The following GSDMC variants were observed in gnomAD, a reference collection of about 807,000 sequenced individuals.
GSDMC encodes gasdermin-C.
GSDMC carries 59 observed loss-of-function variants against 58.0 expected under a neutral mutation model. The observed-to-expected ratio is 1.02, with a 90% CI of 0.82 to 1.26. The LOEUF (loss-of-function observed/expected upper bound fraction) is 1.26. Ranked by LOEUF, GSDMC falls within the 50% of genes most tolerant of loss-of-function variation. The pLI, the probability that GSDMC is intolerant of heterozygous loss-of-function variation, is 0.00. For synonymous variants in GSDMC, 241 were observed against 220.2 expected, an observed-to-expected ratio of 1.09 and a Z score of -0.83; for missense variants, 659 against 598.5, an observed-to-expected ratio of 1.10 and a Z score of -1.06.
the GSDMC span, among the ~76,000 whole-genome samples, chr8:129,706,871 C>G: frequency 3.3e-5 from 5 of 152,196 alleles, no homozygotes; most frequent in Non-Finnish European, 7.3e-5. Flanking sequence ...ATTCAGCTGT[C>G]AATAGGGCAC....
chr8:129,759,474 G>A (rs2033572955), intron 6 of GSDMC, among the ~76,000 whole-genome samples: 1 of 152,116 alleles, frequency 6.6e-6, no homozygotes. Flanking sequence ...TCTGAGAAGG[G>A]ATTAATAACC....
chr8:129,714,950 A>G, the GSDMC span, among the ~76,000 whole-genome samples: 1 of 152,232 alleles, frequency 6.6e-6, no homozygotes, highest in Non-Finnish European at 1.5e-5. Context: ...GAGGTCTCCA[A>G]TGTAATAGAC....
chr8:129,784,150 C>T (rs1401844588), intron 1 of GSDMC, among the ~76,000 whole-genome samples: 1 of 152,150 alleles, frequency 6.6e-6, no homozygotes, highest in Non-Finnish European at 1.5e-5. Context: ...TACAGGAAAA[C>T]ACTGGGGAAA....
At chr8:129,729,066 A>G in the GSDMC span, 1 of 638,872 alleles carries the variant, frequency 1.6e-6, no homozygotes, top group Non-Finnish European at 3.0e-6. Flanking sequence ...TCAAAAAGAA[A>G]TAACTCAGTT....
At chr8:129,732,734 A>G in the GSDMC span, among the ~76,000 whole-genome samples, 1 of 152,210 alleles carries the variant, frequency 6.6e-6, no homozygotes, top group Admixed American at 6.5e-5. Flanking sequence ...TGCAGTTCCC[A>G]GTGTGATTGA....
At chr8:129,728,750 G>A in the GSDMC span, 6 of 486,450 alleles carry the variant, frequency 1.2e-5, no homozygotes, top group Non-Finnish European at 2.3e-5. Context: ...TGCACAGTGC[G>A]ATATAAAACT....
intron 1 of GSDMC, among the ~76,000 whole-genome samples, chr8:129,783,556 A>T (rs1449072314): frequency 1.3e-5 from 2 of 152,182 alleles, no homozygotes; most frequent in Admixed American, 1.3e-4. Flanking sequence ...AATCTCTTCA[A>T]TGAAAACTAT....
the GSDMC span, chr8:129,729,907 C>A: frequency 7.8e-7 from 1 of 1,278,930 alleles, no homozygotes; most frequent in Non-Finnish European, 1.1e-6. Context: ...AATCTGGTGA[C>A]TAATCCAAAA....
chr8:129,774,575 A>C (rs928498410), intron 3 of GSDMC, among the ~76,000 whole-genome samples: 1 of 151,998 alleles, frequency 6.6e-6, no homozygotes, highest in African/African-American at 2.4e-5. Context: ...TTACTCTAGC[A>C]AACTAAAAAG....
At chr8:129,730,667 C>G in the GSDMC span, among the ~76,000 whole-genome samples, 4 of 152,174 alleles carry the variant, frequency 2.6e-5, no homozygotes, top group African/African-American at 9.7e-5. Context: ...GTGGTTAATT[C>G]CCAATAAACC....
chr8:129,762,194 T>C (rs1563799154), intron 5 of GSDMC, among the ~76,000 whole-genome samples: 1 of 152,198 alleles, frequency 6.6e-6, no homozygotes, highest in Non-Finnish European at 1.5e-5. Flanking sequence ...TAGGACATCG[T>C]GTCTGCAGTT....
chr8:129,749,548 GA>G, intron 12 of GSDMC, 23 bp from the exon 13 acceptor site: 2 of 1,587,240 alleles, frequency 1.3e-6, no homozygotes, highest in Middle Eastern at 1.7e-4. Context: ...GACATGTGGG[GA>G]AAGACAGTAG....
At chr8:129,732,883 G>A in the GSDMC span, among the ~76,000 whole-genome samples, 1 of 152,188 alleles carries the variant, frequency 6.6e-6, no homozygotes, top group Admixed American at 6.5e-5. Context: ...AGTGCAAGGG[G>A]TCACGGGATT....
At chr8:129,744,641 C>A (rs562282809), downstream of GSDMC, among the ~76,000 whole-genome samples, 3 of 152,320 alleles carry the variant, frequency 2.0e-5, no homozygotes, top group South Asian at 6.2e-4. Flanking sequence ...AGTCTTCCTC[C>A]AACTCAATGC....
chr8:129,751,654 C>G, intron 9 of GSDMC, 86 bp from the exon 10 acceptor site: 1 of 1,262,438 alleles, frequency 7.9e-7, no homozygotes, highest in Non-Finnish European at 1.2e-6. Context: ...GCTCTCCTAC[C>G]ACCTCCTCCC....
the GSDMC span, chr8:129,730,317 A>C: frequency 1.5e-6 from 2 of 1,363,266 alleles, no homozygotes; most frequent in South Asian, 2.6e-5. Context: ...AGATCACAGA[A>C]TAAGCAAGTC....
the GSDMC span, among the ~76,000 whole-genome samples, chr8:129,726,999 T>TACACACACACAC: frequency 2.0e-4 from 19 of 93,018 alleles, no homozygotes; most frequent in Middle Eastern, 4.7e-3. Flanking sequence ...CCAATACACA[T>TACACACACACAC]ACACACACAC....
At chr8:129,729,328 T>C in the GSDMC span, 6 of 502,966 alleles carry the variant, frequency 1.2e-5, no homozygotes, top group Admixed American at 2.5e-5. Flanking sequence ...ATTATTATTA[T>C]ACTTTAAGTT....
the GSDMC span, among the ~76,000 whole-genome samples, chr8:129,718,204 C>T: frequency 6.6e-6 from 1 of 152,048 alleles, no homozygotes; most frequent in Non-Finnish European, 1.5e-5. Flanking sequence ...AGCTTTTGCA[C>T]AGCAAAAGAA....
Sources: allele counts gnomAD v4.1 joint callset (sites outside exome capture counted in the v4.1 genomes callset), GRCh38; gene constraint gnomAD v4.1.1; transcripts MANE v1.5; gene names NCBI Gene and HGNC (gene_info 2026-07-23, HGNC 2026-07-21).